The following ELAVL4 variants were observed in gnomAD, a reference collection of about 807,000 sequenced individuals.
ELAVL4 encodes the protein ELAV-like protein 4.
In ELAVL4, 1 loss-of-function variant was observed where a neutral mutation model predicts 35.6. The observed-to-expected ratio is 0.03, with a 90% CI of 0.01 to 0.13. ELAVL4 has a LOEUF of 0.13. Among genes scored for constraint, ELAVL4 ranks in the 10% least tolerant of loss-of-function variants. The probability of loss-of-function intolerance (pLI) is 1.00; values close to 1 mark genes in which losing one functional copy is unlikely to be tolerated. For synonymous variants in ELAVL4, 156 were observed against 171.0 expected (o/e 0.91, Z 0.69); for missense variants, 267 against 464.9 (o/e 0.57, Z 3.91).
chr1:50,076,477 G>A (rs1450502583), intron 1 of ELAVL4, among the ~76,000 whole-genome samples: 2 of 152,202 alleles, frequency 1.3e-5, no homozygotes, highest in African/African-American at 4.8e-5. Flanking sequence ...ATGTATGTAT[G>A]TATGTATACA....
At chr1:50,170,790 T>G (rs1018947406) in intron 2 of ELAVL4, among the ~76,000 whole-genome samples, 1 of 152,160 alleles carries the variant, frequency 6.6e-6, no homozygotes, top group African/African-American at 2.4e-5. Flanking sequence ...CCCAACACTT[T>G]GAGAGGCCAA....
At chr1:50,147,787 G>A (rs1220393064) in intron 2 of ELAVL4, among the ~76,000 whole-genome samples, 1 of 152,116 alleles carries the variant, frequency 6.6e-6, no homozygotes, top group Non-Finnish European at 1.5e-5. Context: ...GAGGATTGGG[G>A]GGTGGGAGGT....
At position 50,202,614 on chromosome 1, in the gene ELAVL4, T is replaced by C. The variant is rs548413754; in HGVS notation, c.*1436T>C. On this transcript the variant is annotated 3_prime_UTR_variant, in exon 7 of 7. Transcript: ENST00000371824. ...ACTACTTATTTGTTTACTTAAACTA[T>C]GGGAAGAAGCATATTATTGTGTCAT... 6.6e-6 allele frequency: 1 copy of C among 152,220 alleles called. No homozygotes were observed. Among genetic ancestry groups the C allele is most frequent in the South Asian group, 2.1e-4 (1 of 4,824 alleles). 9.4% of individuals were successfully genotyped at this position (152,220 alleles called of 1,614,324 possible).
intron 1 of ELAVL4, among the ~76,000 whole-genome samples, chr1:50,072,710 A>G (rs1664586919): frequency 6.6e-6 from 1 of 152,206 alleles, no homozygotes; most frequent in African/African-American, 2.4e-5. Flanking sequence ...ATAAAGATTG[A>G]TTGAATTCTT....
At chr1:50,109,691 C>G (rs1045712891) in intron 1 of ELAVL4, 3 of 518,122 alleles carry the variant, frequency 5.8e-6, no homozygotes, top group Non-Finnish European at 1.0e-5. Context: ...CGGGGGACTG[C>G]GCAGTCAAAA....
intron 1 of ELAVL4, among the ~76,000 whole-genome samples, chr1:50,134,869 G>A (rs1671622755): frequency 2.0e-5 from 3 of 152,184 alleles, no homozygotes; most frequent in Middle Eastern, 3.4e-3. Flanking sequence ...GGACACACCA[G>A]GAAATCATCT....
chr1:50,065,987 A>T (rs571461270), intron 1 of ELAVL4, among the ~76,000 whole-genome samples: 39 of 152,256 alleles, frequency 2.6e-4, no homozygotes, highest in African/African-American at 9.1e-4. Context: ...GACACGGTGG[A>T]ATTTCTACTG....
At chr1:50,166,145 C>T (rs1333396766) in intron 2 of ELAVL4, among the ~76,000 whole-genome samples, 2 of 151,980 alleles carry the variant, frequency 1.3e-5, no homozygotes, top group African/African-American at 2.4e-5. Flanking sequence ...CACAGACACG[C>T]CCAGGATCAA....
At chr1:50,182,129 A>G (rs771116483) in intron 3 of ELAVL4, among the ~76,000 whole-genome samples, 9 of 152,254 alleles carry the variant, frequency 5.9e-5, no homozygotes, top group Admixed American at 1.3e-4. Flanking sequence ...CCAAAAGAAC[A>G]GCTTCTGAAT....
chr1:50,067,342 G>A (rs949510714), intron 1 of ELAVL4, among the ~76,000 whole-genome samples: 12 of 152,100 alleles, frequency 7.9e-5, no homozygotes, highest in African/African-American at 1.9e-4. Context: ...GCCTGCAGAG[G>A]AACAAGTAGG....
intron 5 of ELAVL4, 55 bp downstream of exon 5, chr1:50,195,841 G>A (rs1032584234): frequency 3.1e-6 from 5 of 1,599,086 alleles, no homozygotes; most frequent in Admixed American, 1.7e-5. Context: ...AGCTGGGCAA[G>A]AGCCAGGGAA....
chr1:50,069,631 T>C (rs559146368), intron 1 of ELAVL4, among the ~76,000 whole-genome samples: 3 of 152,360 alleles, frequency 2.0e-5, no homozygotes, highest in South Asian at 4.1e-4. Flanking sequence ...CTTAGTGATG[T>C]TGTTAACCTC....
intron 5 of ELAVL4, 109 bp downstream of exon 5, chr1:50,195,895 C>G: frequency 7.8e-7 from 1 of 1,276,294 alleles, no homozygotes; most frequent in Admixed American, 2.3e-5. Flanking sequence ...AGCTTCCACC[C>G]CCAGGAATCA....
chr1:50,133,429 A>C (rs886618441), intron 1 of ELAVL4, among the ~76,000 whole-genome samples: 4 of 151,812 alleles, frequency 2.6e-5, no homozygotes, highest in Admixed American at 1.3e-4. Context: ...GTCCAGTTTT[A>C]CTCCTGCCTC....
intron 1 of ELAVL4, among the ~76,000 whole-genome samples, chr1:50,126,161 T>C (rs1488475095): frequency 4.6e-5 from 7 of 152,074 alleles, no homozygotes. Context: ...TACTTCCCAT[T>C]CTATAACTTT....
chr1:50,102,492 G>A (rs1409457895), upstream of ELAVL4, among the ~76,000 whole-genome samples: 1 of 148,806 alleles, frequency 6.7e-6, no homozygotes, highest in East Asian at 2.0e-4. Flanking sequence ...TTCCATGGAT[G>A]TACCTTCTTT....
intron 2 of ELAVL4, among the ~76,000 whole-genome samples, chr1:50,154,387 C>T (rs1675349807): frequency 7.8e-6 from 1 of 127,768 alleles, no homozygotes; most frequent in Non-Finnish European, 1.6e-5. Flanking sequence ...TTTCCACCTA[C>T]TTAGTTCTTG....
intron 1 of ELAVL4, among the ~76,000 whole-genome samples, chr1:50,060,850 A>G (rs1166292714): frequency 1.3e-5 from 2 of 152,202 alleles, no homozygotes; most frequent in Non-Finnish European, 2.9e-5. Context: ...TCCTCTGGCC[A>G]GGTACCCTGA....
intron 1 of ELAVL4, among the ~76,000 whole-genome samples, chr1:50,142,668 G>A (rs1315855190): frequency 2.0e-5 from 3 of 152,178 alleles, no homozygotes; most frequent in Admixed American, 6.5e-5. Context: ...CTCTGCTGGT[G>A]GGAATATAAA....
Sources: gnomAD v4.1 joint callset for allele counts (sites outside exome capture counted in the v4.1 genomes callset) on GRCh38, gnomAD v4.1.1 for gene constraint, MANE v1.5 for transcripts, NCBI Gene and HGNC (gene_info 2026-07-23, HGNC 2026-07-21) for gene names.